The following PDS5A variants were observed in gnomAD, a reference collection of about 807,000 sequenced individuals.
The protein encoded by PDS5A is PDS5 cohesin associated factor A.
In PDS5A, 42 loss-of-function variants were observed where a neutral mutation model predicts 167.1. That is an observed-to-expected ratio of 0.25 (90% CI 0.20 to 0.33). The LOEUF (loss-of-function observed/expected upper bound fraction) is 0.33, where lower values mean the gene tolerates loss of function less well. PDS5A is among the 10% of genes least tolerant of loss of function. The pLI is 1.00. For missense variants in PDS5A, 1,033 were observed against 1,605.9 expected, an observed-to-expected ratio of 0.64 and a Z score of 6.10; for synonymous variants, 553 against 554.6, an observed-to-expected ratio of 1.00 and a Z score of 0.04.
intron 2 of PDS5A, chr4:39,973,196 G>A (rs370272315): frequency 8.2e-7 from 1 of 1,220,016 alleles, no homozygotes; most frequent in African/African-American, 1.5e-5. Flanking sequence ...TGGTGGGCTT[G>A]TAATATAGCT....
At chr4:39,945,280 G>A (rs1048992982) in intron 2 of PDS5A, among the ~76,000 whole-genome samples, 6 of 151,694 alleles carry the variant, frequency 4.0e-5, no homozygotes, top group Non-Finnish European at 8.8e-5. Flanking sequence ...CTAACATGGT[G>A]AAACCCCCGT....
At chr4:39,857,576 G>A (rs1293083307) in intron 26 of PDS5A, among the ~76,000 whole-genome samples, 4 of 152,058 alleles carry the variant, frequency 2.6e-5, no homozygotes, top group Non-Finnish European at 4.4e-5. Context: ...GATATTTCAT[G>A]TAACAGTAAC....
intron 26 of PDS5A, among the ~76,000 whole-genome samples, chr4:39,852,489 C>T (rs1718202444): frequency 1.3e-5 from 2 of 151,998 alleles, no homozygotes; most frequent in South Asian, 4.2e-4. Context: ...ATATACTTTC[C>T]CTCCAAAAAG....
chr4:39,826,473 T>TTTTTTTTATTTA (rs112223808), intron 32 of PDS5A, among the ~76,000 whole-genome samples: 2 of 143,714 alleles, frequency 1.4e-5, no homozygotes, highest in African/African-American at 5.1e-5. Context: ...CATTCCACAT[T>TTTTTTTTATTTA]TTTATTTATT....
chr4:39,876,526 A>G (rs760413213), intron 19 of PDS5A, among the ~76,000 whole-genome samples: 1 of 152,232 alleles, frequency 6.6e-6, no homozygotes, highest in Admixed American at 6.5e-5. Flanking sequence ...TGTCTTCTGC[A>G]TATTTTAAGT....
intron 2 of PDS5A, chr4:39,973,726 A>T: frequency 7.8e-7 from 1 of 1,282,758 alleles, no homozygotes; most frequent in Non-Finnish European, 1.1e-6. Context: ...TAACCAGCAT[A>T]TGCAGAGAAT....
At chr4:39,933,299 G>GGT (rs1726264408) in intron 2 of PDS5A, 1 of 152,124 alleles carries the variant, frequency 6.6e-6, no homozygotes, top group Admixed American at 6.6e-5. Context: ...TGTCAAGAAT[G>GGT]GTGGCTTGCA....
chr4:39,876,895 C>A (rs1425973450), intron 19 of PDS5A, 98 bp downstream of exon 19: 2 of 858,370 alleles, frequency 2.3e-6, no homozygotes, highest in Admixed American at 6.4e-5. Context: ...AGTTGTCTTT[C>A]TTCCCTCCTA....
chr4:39,864,673 T>A (rs1428077612), intron 23 of PDS5A, among the ~76,000 whole-genome samples: 1 of 152,198 alleles, frequency 6.6e-6, no homozygotes, highest in East Asian at 1.9e-4. Context: ...CTGGTAACAA[T>A]GAGGGAGCCT....
intron 16 of PDS5A, among the ~76,000 whole-genome samples, chr4:39,893,678 G>T (rs1456053950): frequency 6.6e-6 from 1 of 152,152 alleles, no homozygotes; most frequent in Non-Finnish European, 1.5e-5. Flanking sequence ...AGCCCATAGG[G>T]GAAAGGACAA....
At chr4:39,879,590 C>A in intron 18 of PDS5A, 138 bp downstream of exon 18, 1 of 526,918 alleles carries the variant, frequency 1.9e-6, no homozygotes, top group Non-Finnish European at 3.4e-6. Flanking sequence ...ATTACTTTTA[C>A]ATCATCTAAT....
chr4:39,871,949 A>G (rs533603424), intron 21 of PDS5A, among the ~76,000 whole-genome samples: 37 of 151,850 alleles, frequency 2.4e-4, no homozygotes, highest in Non-Finnish European at 4.4e-4. Context: ...CAGGTGATCC[A>G]CCCACCTCGG....
At chr4:39,830,001 C>T (rs941481722) in intron 32 of PDS5A, among the ~76,000 whole-genome samples, 40 of 143,968 alleles carry the variant, frequency 2.8e-4, no homozygotes, top group African/African-American at 8.2e-4. Flanking sequence ...TCCAAGCTAC[C>T]GCCATGAGCA....
chr4:39,902,522 ATTTT>A (rs199900186), intron 12 of PDS5A, 62 bp from the exon 13 acceptor site: 415 of 595,892 alleles, frequency 7.0e-4, no homozygotes, highest in Middle Eastern at 1.5e-3. Flanking sequence ...TTAAGAAGCA[ATTTT>A]TTTTTTTTTT....
At chr4:39,925,807 C>A in intron 5 of PDS5A, 29 bp downstream of exon 5, 2 of 866,560 alleles carry the variant, frequency 2.3e-6, no homozygotes, top group Non-Finnish European at 3.6e-6. Context: ...GAAAAAGAGA[C>A]AAACAGAAAT....
rs574437150 is a variant in PDS5A at position 39,882,738 on chromosome 4, G to A, written c.1887-2905C>T. 9.2e-5 allele frequency among the ~76,000 whole-genome samples: 14 copies of A among 152,246 alleles called. No individual in the cohort carries two copies. In the East Asian group the frequency reaches 1.2e-3, roughly 13 times the overall value. On this transcript the variant is annotated intron_variant, in intron 17 of 32. Transcript: ENST00000303538. ...CAGTATGCGTCAAGGAGCTATAAGC[G>A]AAAGAGCAAAGTCTTCAAACCAGGT...
chr4:39,845,138 G>A (rs1031405550), intron 29 of PDS5A, among the ~76,000 whole-genome samples: 1 of 152,124 alleles, frequency 6.6e-6, no homozygotes, highest in Non-Finnish European at 1.5e-5. Flanking sequence ...AACCCAGGAG[G>A]TGAAGGTTGC....
intron 30 of PDS5A, among the ~76,000 whole-genome samples, chr4:39,842,903 CTATTTTTATA>C (rs1199104414): frequency 5.0e-4 from 12 of 23,986 alleles, no homozygotes; most frequent in South Asian, 1.7e-3. Context: ...TAAACTTATC[CTATTTTTATA>C]TATATATATA....
At position 39,838,245 on chromosome 4, in the gene PDS5A, C is replaced by A. The variant is rs750287109; in HGVS notation, c.3658-37G>T. On this transcript the variant is annotated intron_variant, in intron 31 of 32. Transcript: ENST00000303538. ...CAAAACAATTCTATAAACACAAATT[C>A]CTTAAATATTAATGATCTCTATTAG... 3.8e-6 allele frequency: 5 copies of A among 1,321,654 alleles called. No individual in the cohort carries two copies. The Admixed American group carries it at 1.1e-4, about 29-fold the overall frequency. The allele number at this position is 1,321,654 out of a possible 1,614,324, so 81.9% of individuals were successfully genotyped here.
Sources: allele counts gnomAD v4.1 joint callset (sites outside exome capture counted in the v4.1 genomes callset), GRCh38; gene constraint gnomAD v4.1.1; transcripts MANE v1.5; gene names NCBI Gene and HGNC (gene_info 2026-07-23, HGNC 2026-07-21).